ZNF280D: variants seen among roughly 807,000 people sequenced by gnomAD.
The protein encoded by ZNF280D is suppressor of hairy wing homolog 4.
A neutral mutation model predicts 94.7 loss-of-function variants in ZNF280D; 39 were observed. The ratio of observed to expected loss-of-function variants is 0.41; its 90% CI spans 0.32 to 0.54. ZNF280D has a LOEUF of 0.54. Ranked by LOEUF, ZNF280D falls within the 20% of genes least tolerant of loss-of-function variation. ZNF280D has a pLI of 0.22. For missense variants in ZNF280D, 1,090 were observed against 1,149.3 expected (o/e 0.95, Z 0.75); for synonymous variants, 398 against 377.6 (o/e 1.05, Z -0.63).
At chr15:56,687,205 C>T (rs2056085045) in intron 9 of ZNF280D, among the ~76,000 whole-genome samples, 1 of 152,164 alleles carries the variant, frequency 6.6e-6, no homozygotes, top group Non-Finnish European at 1.5e-5. Flanking sequence ...TTATCTTCAA[C>T]TTAGTTCAGT....
chr15:56,636,692 C>G (rs1596319753), intron 20 of ZNF280D, among the ~76,000 whole-genome samples: 2 of 152,122 alleles, frequency 1.3e-5, no homozygotes, highest in African/African-American at 4.8e-5. Flanking sequence ...CCATGTTAGC[C>G]AGGCTGGTCT....
chr15:56,688,968 T>C lies in ZNF280D; in HGVS notation c.780+73A>G, dbSNP rs536871685. The C allele has an allele frequency of 7.0e-4, 630 of 903,880 alleles. 3 individuals are homozygous for C. Among genetic ancestry groups the C allele is most frequent in the Non-Finnish European group, 3.3e-4 (193 of 590,612 alleles). 56.0% of individuals were successfully genotyped at this position (903,880 alleles called of 1,614,324 possible). On this transcript the variant is annotated intron_variant, in intron 9 of 21. Coordinates refer to ENST00000267807, the MANE Select transcript of ZNF280D (RefSeq NM_017661.4). ...AATGAGATTATTTCTGGACAAACCATTAATTACTGTAATCATCAGTATTTT... is the reference window on the plus strand; with the variant it reads ...AATGAGATTATTTCTGGACAAACCACTAATTACTGTAATCATCAGTATTTT...
chr15:56,713,622 C>A (rs775343157), intron 1 of ZNF280D, among the ~76,000 whole-genome samples: 20 of 152,130 alleles, frequency 1.3e-4, no homozygotes, highest in Non-Finnish European at 2.8e-4. Context: ...TTAAAGGATA[C>A]AAAGTGAATT....
At chr15:56,680,035 T>G (rs1163023866) in intron 10 of ZNF280D, among the ~76,000 whole-genome samples, 1 of 152,174 alleles carries the variant, frequency 6.6e-6, no homozygotes, top group Non-Finnish European at 1.5e-5. Flanking sequence ...TCCCAATTAT[T>G]ATATGAGTTC....
At chr15:56,654,313 C>G in intron 18 of ZNF280D, 72 bp downstream of exon 18, 1 of 1,598,576 alleles carries the variant, frequency 6.3e-7, no homozygotes, top group Non-Finnish European at 8.5e-7. Flanking sequence ...AGTAAAGAGA[C>G]CATATTGTGG....
At chr15:56,638,914 C>CTT (rs2052482168) in intron 20 of ZNF280D, among the ~76,000 whole-genome samples, 1 of 151,828 alleles carries the variant, frequency 6.6e-6, no homozygotes, top group East Asian at 1.9e-4. Context: ...TAGCCTCATT[C>CTT]TTTAATTATG....
Position 56,730,370 on chromosome 15 carries a change from G to A in ZNF280D, c.-86+3088C>T, listed in dbSNP as rs2058827059. 2.0e-5 allele frequency: 3 copies of A among 152,238 alleles called. No individual in the cohort carries two copies. The South Asian group carries it at 6.2e-4, about 32-fold the overall frequency. 9.4% of individuals were successfully genotyped at this position (152,238 alleles called of 1,614,324 possible). A position where few individuals can be genotyped will look rare whatever the true frequency, so the allele number is the denominator to read the frequency against. On this transcript the variant is annotated intron_variant, in intron 1 of 21. Transcript: ENST00000267807. The stretch of plus-strand genomic sequence containing the variant: ...CCTCATCTTCCAAAACTTGCTTTTG[G>A]AATAACAAAGTATGTTGTCAATAGA...
intron 19 of ZNF280D, among the ~76,000 whole-genome samples, chr15:56,644,676 CTAT>C (rs2052792804): frequency 6.6e-6 from 1 of 152,034 alleles, no homozygotes; most frequent in African/African-American, 2.4e-5. Flanking sequence ...TAGCATATGC[CTAT>C]TATAATAAAT....
intron 13 of ZNF280D, among the ~76,000 whole-genome samples, chr15:56,669,956 TATATATTATATATATATA>T (rs2054686539): frequency 5.4e-4 from 2 of 3,714 alleles, no homozygotes; most frequent in African/African-American, 2.0e-3. Context: ...ATATTATATA[TATATATTATATATATATA>T]ATATATATAT....
At chr15:56,705,849 A>C (rs766135366) in intron 3 of ZNF280D, among the ~76,000 whole-genome samples, 1 of 151,980 alleles carries the variant, frequency 6.6e-6, no homozygotes, top group Non-Finnish European at 1.5e-5. Context: ...CAGTAGGCAC[A>C]TGGCATATAA....
chr15:56,674,615 A>G (rs546533570), intron 13 of ZNF280D, among the ~76,000 whole-genome samples: 43 of 152,188 alleles, frequency 2.8e-4, no homozygotes, highest in African/African-American at 9.9e-4. Context: ...TACTTTCTCT[A>G]AAGCTCTGTT....
At chr15:56,709,817 T>C (rs575278225) in intron 1 of ZNF280D, among the ~76,000 whole-genome samples, 1 of 152,034 alleles carries the variant, frequency 6.6e-6, no homozygotes, top group Admixed American at 6.5e-5. Flanking sequence ...ATGAGAACAC[T>C]TGGACACAGG....
intron 19 of ZNF280D, among the ~76,000 whole-genome samples, chr15:56,647,809 G>A (rs1245875794): frequency 6.6e-6 from 1 of 152,174 alleles, no homozygotes; most frequent in Non-Finnish European, 1.5e-5. Flanking sequence ...GGGGTTACAG[G>A]TGTGAGCTAC....
intron 13 of ZNF280D, among the ~76,000 whole-genome samples, chr15:56,669,974 A>T (rs1446371645): frequency 0.058 from 45 of 770 alleles, 8 homozygotes; most frequent in Admixed American, 0.093. Flanking sequence ...ATATATATAT[A>T]ATATATATAT....
rs1249909636 is a variant in ZNF280D at position 56,630,296 on chromosome 15, C to A, written c.*1202G>T. The A allele has an allele frequency of 2.0e-5, 3 of 152,010 alleles. No individual in the cohort carries two copies. Among genetic ancestry groups the A allele is most frequent in the African/African-American group, 7.2e-5 (3 of 41,422 alleles). The allele number at this position is 152,010 out of a possible 1,614,324, so 9.4% of individuals were successfully genotyped here. A position where few individuals can be genotyped will look rare whatever the true frequency, so the allele number is the denominator to read the frequency against. The stretch of plus-strand genomic sequence containing the variant: ...TGAAACAAAATTTAAGAATCCAAAG[C>A]ACATTTTAAGAAGTAAAAATGAAGC... On this transcript the variant is annotated 3_prime_UTR_variant, in exon 22 of 22. Transcript: ENST00000267807.
chr15:56,662,889 G>A (rs1053588484), intron 16 of ZNF280D, among the ~76,000 whole-genome samples: 4 of 150,614 alleles, frequency 2.7e-5, no homozygotes, highest in African/African-American at 4.9e-5. Context: ...AGAAAGTAAC[G>A]GCTGTGGTGA....
chr15:56,697,973 G>A (rs554799584), intron 6 of ZNF280D: 29 of 152,086 alleles, frequency 1.9e-4, no homozygotes, highest in African/African-American at 6.5e-4. Flanking sequence ...ATGTTGTTTT[G>A]GTTGAGGAGT....
At position 56,649,400 on chromosome 15, in the gene ZNF280D, A is replaced by G. The variant is rs574317453; in HGVS notation, c.2213+4798T>C. ...TACCAGATATCAAAGGCAGAAGTCC[A>G]AATTGCCAGAAACCACTTGCAATTA... On this transcript the variant is annotated intron_variant, in intron 19 of 21. Coordinates refer to ENST00000267807, the MANE Select transcript of ZNF280D (RefSeq NM_017661.4). 2.8e-4 allele frequency among the ~76,000 whole-genome samples: 43 copies of G among 152,288 alleles called. No individual in the cohort carries two copies. In the South Asian group the frequency reaches 8.1e-3, roughly 29 times the overall value.
chr15:56,727,586 G>A (rs2058687178), intron 1 of ZNF280D, among the ~76,000 whole-genome samples: 1 of 152,210 alleles, frequency 6.6e-6, no homozygotes, highest in Non-Finnish European at 1.5e-5. Context: ...TAATCCTCAT[G>A]CGTAAGTGGC....
Sources: gnomAD v4.1 joint callset for allele counts (sites outside exome capture counted in the v4.1 genomes callset) on GRCh38, gnomAD v4.1.1 for gene constraint, MANE v1.5 for transcripts, NCBI Gene and HGNC (gene_info 2026-07-23, HGNC 2026-07-21) for gene names.